The following SIPA1L1 variants were observed in gnomAD, a reference collection of about 807,000 sequenced individuals.
SIPA1L1 encodes the protein signal induced proliferation associated 1 like 1.
SIPA1L1 carries 26 observed loss-of-function variants against 162.7 expected under a neutral mutation model. The observed-to-expected ratio is 0.16, with a 90% confidence interval of 0.12 to 0.22. SIPA1L1 has a LOEUF of 0.22. Ranked by LOEUF, SIPA1L1 falls within the 10% of genes least tolerant of loss-of-function variation. SIPA1L1 has a pLI of 1.00. For synonymous variants in SIPA1L1, 829 were observed against 837.4 expected, an observed-to-expected ratio of 0.99 and a Z score of 0.17; for missense variants, 1,874 against 2,241.0, an observed-to-expected ratio of 0.84 and a Z score of 3.31.
intron 7 of SIPA1L1, among the ~76,000 whole-genome samples, chr14:71,646,543 G>A (rs1048444740): frequency 1.3e-5 from 2 of 152,204 alleles, no homozygotes; most frequent in African/African-American, 4.8e-5. Flanking sequence ...TTGTTTCCCA[G>A]CTGTGGAAGC....
At chr14:71,506,721 G>T (rs372260264) in intron 2 of SIPA1L1, among the ~76,000 whole-genome samples, 2 of 150,642 alleles carry the variant, frequency 1.3e-5, no homozygotes, top group South Asian at 2.1e-4. Context: ...TTATTTTTTT[G>T]ATTGTTAAGG....
chr14:71,443,878 A>G (rs892522226), intron 2 of SIPA1L1, among the ~76,000 whole-genome samples: 1 of 152,204 alleles, frequency 6.6e-6, no homozygotes, highest in Non-Finnish European at 1.5e-5. Context: ...TCTTGCTGCA[A>G]ATAACTTGCA....
chr14:71,420,751 G>A (rs2043131992), intron 2 of SIPA1L1, among the ~76,000 whole-genome samples: 1 of 151,748 alleles, frequency 6.6e-6, no homozygotes, highest in Admixed American at 6.6e-5. Context: ...TTTTGTTGGA[G>A]TTTCAGATAT....
At chr14:71,492,603 G>A in intron 2 of SIPA1L1, among the ~76,000 whole-genome samples, 1 of 152,108 alleles carries the variant, frequency 6.6e-6, no homozygotes. Flanking sequence ...GGCCCGTGCG[G>A]TAGCTCTTTA....
At chr14:71,352,488 A>G (rs915928349) in intron 2 of SIPA1L1, among the ~76,000 whole-genome samples, 1 of 152,220 alleles carries the variant, frequency 6.6e-6, no homozygotes, top group Non-Finnish European at 1.5e-5. Flanking sequence ...TATTAATGTC[A>G]TAATGTATAA....
intron 5 of SIPA1L1, among the ~76,000 whole-genome samples, chr14:71,596,327 G>A (rs1334322732): frequency 1.3e-5 from 2 of 152,156 alleles, no homozygotes; most frequent in Admixed American, 6.5e-5. Context: ...CTATTGACTA[G>A]GGGCTGCCCA....
intron 23 of SIPA1L1, 39 bp downstream of exon 23, chr14:71,738,364 C>A: frequency 7.2e-7 from 1 of 1,395,244 alleles, no homozygotes; most frequent in Non-Finnish European, 1.0e-6. Flanking sequence ...CCAGTCTGTA[C>A]AAACTACCCT....
chr14:71,479,168 C>G (rs1461100693), intron 2 of SIPA1L1, among the ~76,000 whole-genome samples: 1 of 152,070 alleles, frequency 6.6e-6, no homozygotes, highest in Non-Finnish European at 1.5e-5. Context: ...GAGATTCATT[C>G]TTCTTCCCTA....
At chr14:71,446,894 G>GGTTTTTTTTTTTTTTTTTTTTTTTTTT (rs2045394010) in intron 2 of SIPA1L1, among the ~76,000 whole-genome samples, 2 of 87,406 alleles carry the variant, frequency 2.3e-5, no homozygotes, top group African/African-American at 8.7e-5. Context: ...GATGGGCTCT[G>GGTTTTTTTTTTTTTTTTTTTTTTTTTT]TTTTTTTTTT....
In SIPA1L1 at chr14:71,361,685, T is replaced by C. The variant is rs868798058; in HGVS notation, c.-465+40504T>C. 1.1e-4 allele frequency among the ~76,000 whole-genome samples: 16 copies of C among 152,252 alleles called. No homozygotes were observed. The Middle Eastern group carries it at 0.014, about 129-fold the overall frequency. ...AAAAAAGCCTCCTGAGACCTTAGGATTTTTAAGTGGGCCTGGAATCTTTAG... is the reference window on the plus strand; with the variant it reads ...AAAAAAGCCTCCTGAGACCTTAGGACTTTTAAGTGGGCCTGGAATCTTTAG... On this transcript the variant is annotated intron_variant, in intron 2 of 23. Coordinates refer to ENST00000381232, the MANE Select transcript of SIPA1L1 (RefSeq NM_001386936.1).
intron 4 of SIPA1L1, among the ~76,000 whole-genome samples, chr14:71,556,314 G>A (rs1272786892): frequency 6.6e-6 from 1 of 152,136 alleles, no homozygotes; most frequent in East Asian, 1.9e-4. Context: ...ACACTTCTGT[G>A]ACAAAAGCTG....
In SIPA1L1 at chr14:71,588,050, G is replaced by C; in HGVS notation, c.178G>C (p.Glu60Gln). The part of the protein sequence containing the change: ...VMAPVGPPRS[E>Q]GSHHITSTPG... ...GGCTCCTGTAGGACCCCCCCGAAGT[G>C]AAGGTTCTCACCATATAACCTCAAC... The change falls in exon 5 of 24, where the codon GAA (glutamate) becomes CAA (glutamine). Residue 60 changes from glutamate (E) to glutamine (Q), a missense_variant. Glu to Gln is a conservative substitution (Grantham distance 29, BLOSUM62 2). Transcript: ENST00000381232. The surrounding 1 kb of genome is among the most constrained non-coding windows in gnomAD (Gnocchi z 4.3). 1 of 1,614,122 alleles carries C rather than the reference G, an allele frequency of 6.2e-7. No individual in the cohort carries two copies. The highest frequency in any genetic ancestry group is 8.5e-7 in the Non-Finnish European group (1 of 1,179,998).
At chr14:71,439,062 C>T (rs1301366626) in intron 2 of SIPA1L1, among the ~76,000 whole-genome samples, 1 of 152,092 alleles carries the variant, frequency 6.6e-6, no homozygotes. Context: ...CAAGAGCTCA[C>T]CTGTGGTACC....
intron 5 of SIPA1L1, among the ~76,000 whole-genome samples, chr14:71,592,862 T>G (rs1424360996): frequency 6.6e-6 from 1 of 152,240 alleles, no homozygotes; most frequent in Non-Finnish European, 1.5e-5. Flanking sequence ...TTGTATTTAG[T>G]AAAATAAGCA....
Position 71,588,006 on chromosome 14 carries a change from G to A in SIPA1L1, c.134G>A (p.Ser45Asn). The stretch of plus-strand genomic sequence containing the variant: ...CGGCGCTTCCGGTCCCAAAATGGCA[G>A]CTTAGGATCATCAGTTATGGCTCCT... ...YMRRFRSQNG[S>N]LGSSVMAPVG... The change falls in exon 5 of 24, where the codon AGC (serine) becomes AAC (asparagine). Residue 45 changes from serine (S) to asparagine (N), a missense_variant. Physicochemically the swap from Ser to Asn is conservative, Grantham distance 46. Coordinates refer to ENST00000381232, the MANE Select transcript of SIPA1L1 (RefSeq NM_001386936.1). The surrounding 1 kb of genome is among the most constrained non-coding windows in gnomAD (Gnocchi z 4.3). 1.2e-6 allele frequency: 2 copies of A among 1,614,144 alleles called. No homozygotes were observed. Among genetic ancestry groups the A allele is most frequent in the Non-Finnish European group, 1.7e-6 (2 of 1,179,996 alleles).
chr14:71,357,770 C>T (rs1283180998), intron 2 of SIPA1L1, among the ~76,000 whole-genome samples: 2 of 152,160 alleles, frequency 1.3e-5, no homozygotes, highest in Non-Finnish European at 2.9e-5. Flanking sequence ...CTCTGTCACC[C>T]ACGCTGCAGT....
rs934555100 is a variant in SIPA1L1 at position 71,739,745 on chromosome 14, A to G, written c.*584A>G. ...CTGTACCTGTCCTCCAGAGATCAGCAGGACCGGAGTTAAATATTTAACAGC... is the reference window on the plus strand; with the variant it reads ...CTGTACCTGTCCTCCAGAGATCAGCGGGACCGGAGTTAAATATTTAACAGC... On this transcript the variant is annotated 3_prime_UTR_variant, in exon 24 of 24. Coordinates refer to ENST00000381232, the MANE Select transcript of SIPA1L1 (RefSeq NM_001386936.1). 2 of 152,276 alleles carry G rather than the reference A, an allele frequency of 1.3e-5. No individual in the cohort carries two copies. Among genetic ancestry groups the G allele is most frequent in the African/African-American group, 4.8e-5 (2 of 41,456 alleles). The allele number at this position is 152,276 out of a possible 1,614,324, so 9.4% of individuals were successfully genotyped here. A position where few individuals can be genotyped will look rare whatever the true frequency, so the allele number is the denominator to read the frequency against.
chr14:71,519,153 G>A (rs768533989), intron 3 of SIPA1L1, among the ~76,000 whole-genome samples: 25 of 151,814 alleles, frequency 1.6e-4, no homozygotes, highest in South Asian at 4.2e-4. Flanking sequence ...AATATTACCC[G>A]GTCGTGGTGG....
At chr14:71,437,682 A>G (rs187722173) in intron 2 of SIPA1L1, among the ~76,000 whole-genome samples, 2 of 152,322 alleles carry the variant, frequency 1.3e-5, no homozygotes, top group East Asian at 3.9e-4. Context: ...GCATTTCATT[A>G]CTGATACTAC....
Sources: gnomAD v4.1 joint callset for allele counts (sites outside exome capture counted in the v4.1 genomes callset) on GRCh38, gnomAD v4.1.1 for gene constraint, Gnocchi (gnomAD v3.1) non-coding constraint, MANE v1.5 for transcripts, NCBI Gene and HGNC (gene_info 2026-07-23, HGNC 2026-07-21) for gene names.